C1orf21: variants seen among roughly 807,000 people sequenced by gnomAD.
C1orf21 encodes uncharacterized protein C1orf21.
A neutral mutation model predicts 18.7 loss-of-function variants in C1orf21; 3 were observed. The ratio of observed to expected loss-of-function variants is 0.16; its 90% confidence interval spans 0.07 to 0.42. C1orf21 has a LOEUF of 0.42. Ranked by LOEUF, C1orf21 falls within the 10% of genes least tolerant of loss-of-function variation. The probability of loss-of-function intolerance (pLI) is 0.99; values close to 1 mark genes in which losing one functional copy is unlikely to be tolerated. For missense variants in C1orf21, 104 were observed against 143.6 expected (o/e 0.72, Z 1.41); for synonymous variants, 41 against 46.4 (o/e 0.88, Z 0.47).
intron 1 of C1orf21, among the ~76,000 whole-genome samples, chr1:184,454,908 G>A (rs879535044): frequency 1.7e-4 from 26 of 152,070 alleles, no homozygotes; most frequent in Non-Finnish European, 2.8e-4. Context: ...ATTAATACAA[G>A]TATTTAAAGG....
At chr1:184,483,950 A>G (rs55729410) in intron 2 of C1orf21, among the ~76,000 whole-genome samples, 62,850 of 150,874 alleles carry the variant, frequency 0.42, 13,258 homozygotes, top group Admixed American at 0.48. Flanking sequence ...TTGAGATGGA[A>G]TCTCACTCCA....
At chr1:184,471,131 A>G (rs1236791156) in intron 1 of C1orf21, among the ~76,000 whole-genome samples, 1 of 152,162 alleles carries the variant, frequency 6.6e-6, no homozygotes, top group Non-Finnish European at 1.5e-5. Context: ...GAAATGTGCA[A>G]CACTCTTAAA....
intron 1 of C1orf21, among the ~76,000 whole-genome samples, chr1:184,436,634 A>C (rs932438212): frequency 6.6e-5 from 10 of 152,184 alleles, no homozygotes; most frequent in African/African-American, 2.2e-4. Context: ...AAGTTGGAAC[A>C]CATAAAGGTA....
At chr1:184,489,550 C>G (rs1386446092) in intron 2 of C1orf21, among the ~76,000 whole-genome samples, 1 of 152,098 alleles carries the variant, frequency 6.6e-6, no homozygotes, top group Non-Finnish European at 1.5e-5. Flanking sequence ...GCCCTTTGCC[C>G]CAGGAGACCC....
chr1:184,422,801 C>T (rs970317436), intron 1 of C1orf21, among the ~76,000 whole-genome samples: 20 of 152,190 alleles, frequency 1.3e-4, no homozygotes, highest in African/African-American at 4.8e-4. Flanking sequence ...GTCTATTTCA[C>T]ATGTTAGACA....
chr1:184,475,492 C>G (rs1281565406), intron 1 of C1orf21, among the ~76,000 whole-genome samples: 1 of 152,168 alleles, frequency 6.6e-6, no homozygotes, highest in Non-Finnish European at 1.5e-5. Context: ...CTTTGATACC[C>G]TACAAAAATA....
Position 184,392,019 on chromosome 1 carries a change from A to G in C1orf21, c.-125+4651A>G, listed in dbSNP as rs1375148763. 2.0e-5 allele frequency among the ~76,000 whole-genome samples: 3 copies of G among 152,102 alleles called. No individual in the cohort carries two copies. The East Asian group carries it at 5.8e-4, about 29-fold the overall frequency. On this transcript the variant is annotated intron_variant, in intron 1 of 5. Transcript: ENST00000235307. Reference sequence around the variant, plus strand: ...CACCGTGCCCGGCCCCCAAATTACAAGAATTTCTAGTTAGGAGCATCTTGA... The same window carrying G: ...CACCGTGCCCGGCCCCCAAATTACAGGAATTTCTAGTTAGGAGCATCTTGA...
At chr1:184,518,725 A>G (rs1658264422) in intron 3 of C1orf21, among the ~76,000 whole-genome samples, 1 of 151,952 alleles carries the variant, frequency 6.6e-6, no homozygotes, top group African/African-American at 2.4e-5. Flanking sequence ...ATTTCAGTGT[A>G]CTCTCACTGC....
chr1:184,599,033 G>GT (rs1285012819), intron 5 of C1orf21, among the ~76,000 whole-genome samples: 1 of 152,218 alleles, frequency 6.6e-6, no homozygotes, highest in Non-Finnish European at 1.5e-5. Context: ...CTCCAAAGCA[G>GT]TGTCTCCAAG....
intron 1 of C1orf21, among the ~76,000 whole-genome samples, chr1:184,426,006 C>G (rs1248587942): frequency 6.6e-6 from 1 of 152,234 alleles, no homozygotes; most frequent in Non-Finnish European, 1.5e-5. Flanking sequence ...TTGGCCATCC[C>G]ACCCAGATTT....
intron 5 of C1orf21, among the ~76,000 whole-genome samples, chr1:184,616,725 A>ATGTG (rs1659831176): frequency 1.1e-5 from 1 of 94,462 alleles, no homozygotes; most frequent in East Asian, 6.1e-4. Context: ...TGTTGTGTGC[A>ATGTG]CGTGTGTGTG....
At chr1:184,564,402 A>G (rs1006943074) in intron 3 of C1orf21, among the ~76,000 whole-genome samples, 1 of 152,150 alleles carries the variant, frequency 6.6e-6, no homozygotes, top group African/African-American at 2.4e-5. Context: ...TGCGCCTCCC[A>G]GGTTCAAGTG....
intron 3 of C1orf21, among the ~76,000 whole-genome samples, chr1:184,576,073 C>A (rs1659185050): frequency 6.6e-6 from 1 of 152,122 alleles, no homozygotes; most frequent in South Asian, 2.1e-4. Context: ...GTTAGGTAAA[C>A]CAACATATCA....
rs1290843458 is a variant in C1orf21, at chr1:184,620,697, G to A, written c.*1141G>A. On this transcript the variant is annotated 3_prime_UTR_variant, in exon 6 of 6. Transcript: ENST00000235307. Reference sequence around the variant, plus strand: ...AACATAATACTTTTATGCTGATGATGGTATTTGGAGATGTGAAAGCCAAAA... The same window carrying A: ...AACATAATACTTTTATGCTGATGATAGTATTTGGAGATGTGAAAGCCAAAA... 1 of 152,534 alleles carries A rather than the reference G, an allele frequency of 6.6e-6. No individual in the cohort carries two copies. Among genetic ancestry groups the A allele is most frequent in the Non-Finnish European group, 1.5e-5 (1 of 68,018 alleles). The allele number at this position is 152,534 out of a possible 1,614,324, so 9.4% of individuals were successfully genotyped here. A position where few individuals can be genotyped will look rare whatever the true frequency, so the allele number is the denominator to read the frequency against.
At chr1:184,572,472 G>A (rs892647471) in intron 3 of C1orf21, among the ~76,000 whole-genome samples, 1 of 152,150 alleles carries the variant, frequency 6.6e-6, no homozygotes, top group African/African-American at 2.4e-5. Flanking sequence ...ACATTTGTGA[G>A]TTTTCATTTC....
chr1:184,477,571 G>A lies in C1orf21; in HGVS notation c.62G>A (p.Gly21Glu). Reference sequence around the variant, plus strand: ...CAAAATGAAGAGGAAGCCCAGAAAGGGAAAAACTACCAGAACGGAGATGTG... The same window carrying A: ...CAAAATGAAGAGGAAGCCCAGAAAGAGAAAAACTACCAGAACGGAGATGTG... ...TVQNEEEAQK[G>E]KNYQNGDVFG... Residue 21 changes from glycine (G) to glutamate (E), a missense_variant, in exon 2 of 6, where the codon GGG becomes GAG. Gly to Glu is a moderately conservative substitution (Grantham distance 98). Coordinates refer to ENST00000235307, the MANE Select transcript of C1orf21 (RefSeq NM_030806.4). 6.2e-7 allele frequency: 1 copy of A among 1,613,958 alleles called. No individual in the cohort carries two copies. Among genetic ancestry groups the A allele is most frequent in the Non-Finnish European group, 8.5e-7 (1 of 1,179,906 alleles).
At chr1:184,567,182 A>G in intron 3 of C1orf21, 2 of 477,176 alleles carry the variant, frequency 4.2e-6, no homozygotes, top group Non-Finnish European at 8.5e-6. Flanking sequence ...CACAGTCCAC[A>G]CCAATAGCCT....
chr1:184,572,513 T>A (rs1283973090), intron 3 of C1orf21, among the ~76,000 whole-genome samples: 2 of 152,128 alleles, frequency 1.3e-5, no homozygotes, highest in Non-Finnish European at 2.9e-5. Context: ...TTTAGAGAAA[T>A]GGGATAAAGT....
chr1:184,445,341 G>T (rs1657011698), intron 1 of C1orf21, among the ~76,000 whole-genome samples: 1 of 113,316 alleles, frequency 8.8e-6, no homozygotes, highest in African/African-American at 4.3e-5. Context: ...CCTTTTTTCA[G>T]ACCTCTCTCT....
Sources: gnomAD v4.1 joint callset for allele counts (sites outside exome capture counted in the v4.1 genomes callset) on GRCh38, gnomAD v4.1.1 for gene constraint, MANE v1.5 for transcripts, NCBI Gene and HGNC (gene_info 2026-07-23, HGNC 2026-07-21) for gene names.